The following SFXN5 variants were observed in gnomAD, a reference collection of about 807,000 sequenced individuals.
The protein encoded by SFXN5 is sideroflexin 5.
In SFXN5, 43 loss-of-function variants were observed where a neutral mutation model predicts 50.2. The observed-to-expected ratio is 0.86, with a 90% CI of 0.67 to 1.11. The LOEUF (loss-of-function observed/expected upper bound fraction) is 1.11. SFXN5 is among the 50% of genes least tolerant of loss of function. SFXN5 has a pLI of 0.00. For synonymous variants in SFXN5, 203 were observed against 185.8 expected, an observed-to-expected ratio of 1.09 and a Z score of -0.75; for missense variants, 463 against 454.1, an observed-to-expected ratio of 1.02 and a Z score of -0.18.
At chr2:73,060,158 T>G (rs922926861) in intron 1 of SFXN5, among the ~76,000 whole-genome samples, 1 of 151,998 alleles carries the variant, frequency 6.6e-6, no homozygotes, top group African/African-American at 2.4e-5. Context: ...CAGGGTTCCT[T>G]AGGAAAGGAG....
At chr2:72,994,368 T>A (rs1574061219) in intron 9 of SFXN5, among the ~76,000 whole-genome samples, 1 of 152,052 alleles carries the variant, frequency 6.6e-6, no homozygotes, top group Admixed American at 6.5e-5. Context: ...AGCACAGGGA[T>A]CCCCTGGAAC....
At position 73,071,469 on chromosome 2, in the gene SFXN5, T is replaced by C. The variant is rs376485683; in HGVS notation, c.102+135A>G. 2.9e-3 allele frequency: 2,108 copies of C among 736,832 alleles called. 67 individuals carry two copies. In the South Asian group the frequency reaches 0.036, roughly 13 times the overall value. 45.6% of individuals were successfully genotyped at this position (736,832 alleles called of 1,614,324 possible). On this transcript the variant is annotated intron_variant, in intron 1 of 13. Coordinates refer to ENST00000272433, the MANE Select transcript of SFXN5 (RefSeq NM_144579.3). ...GGGAAAAGGGTGACTGTGACCGAGG[T>C]TCCCCCCCTGGCGCTAGCTGCAGGC...
chr2:73,037,381 T>C (rs1679122022), intron 3 of SFXN5, among the ~76,000 whole-genome samples: 1 of 152,038 alleles, frequency 6.6e-6, no homozygotes, highest in Non-Finnish European at 1.5e-5. Flanking sequence ...TTCTGGCCCA[T>C]AGAGATGGAT....
chr2:72,969,371 C>T (rs1674878110), intron 11 of SFXN5, among the ~76,000 whole-genome samples: 1 of 151,950 alleles, frequency 6.6e-6, no homozygotes, highest in East Asian at 1.9e-4. Flanking sequence ...CTGGAATTTA[C>T]TTTTTTTTGT....
chr2:72,963,846 T>C (rs1674051687), intron 12 of SFXN5, among the ~76,000 whole-genome samples: 1 of 151,972 alleles, frequency 6.6e-6, no homozygotes, highest in Non-Finnish European at 1.5e-5. Flanking sequence ...CTCCTCAGCA[T>C]GGTTGGTGCT....
In SFXN5 at chr2:73,039,517, A is replaced by G. The variant is rs184841513; in HGVS notation, c.249+1337T>C. On this transcript the variant is annotated intron_variant, in intron 3 of 13. Coordinates refer to ENST00000272433, the MANE Select transcript of SFXN5 (RefSeq NM_144579.3). ...AATATGTATAGGCCCCAAAACCATG[A>G]TAACTATTTCAAGAGTGAGTATGGA... Among the ~76,000 whole-genome samples the G allele has an allele frequency of 2.7e-3, 417 of 152,358 alleles. 8 individuals are homozygous for G. The highest frequency in any genetic ancestry group is 5.7e-4 in the Non-Finnish European group (39 of 68,034).
chr2:73,071,668 G>C lies in SFXN5; in HGVS notation c.38C>G (p.Ala13Gly). The C allele has an allele frequency of 6.2e-7, 1 of 1,603,372 alleles. No homozygotes were observed. The highest frequency in any genetic ancestry group is 8.5e-7 in the Non-Finnish European group (1 of 1,175,244). ...DTATTASAAA[A>G]SAASASSDAP... ...ATCGCTCGAGGCGCTAGCGGCACTA[G>C]CCGCCGCCGCCGATGCTGTAGTCGC... The change falls in exon 1 of 14, where the codon GCT becomes GGT. Residue 13 changes from alanine (A) to glycine (G), a missense_variant. Coordinates refer to ENST00000272433, the MANE Select transcript of SFXN5 (RefSeq NM_144579.3).
At chr2:73,021,726 C>T (rs1278626617) in intron 5 of SFXN5, among the ~76,000 whole-genome samples, 1 of 152,196 alleles carries the variant, frequency 6.6e-6, no homozygotes, top group Non-Finnish European at 1.5e-5. Context: ...AGCAGCAGTG[C>T]CCTCCCATTC....
rs1016290434 is a variant in SFXN5, at chr2:73,070,863, TG to T, written c.102+740del. 5.6e-4 allele frequency: 85 copies of T among 151,266 alleles called. No homozygotes were observed. In the South Asian group the frequency reaches 5.7e-3, roughly 10 times the overall value. The allele number at this position is 151,266 out of a possible 1,614,324, so 9.4% of individuals were successfully genotyped here. A position where few individuals can be genotyped will look rare whatever the true frequency, so the allele number is the denominator to read the frequency against. Reference sequence around the variant, plus strand: ...GCGGAGAACACAGCGAGGAAGAGGCTGGGGGGGGGTTCCCAGGCGGCAGCCC... The same window carrying T: ...GCGGAGAACACAGCGAGGAAGAGGCTGGGGGGGGTTCCCAGGCGGCAGCCC... On this transcript the variant is annotated intron_variant, in intron 1 of 13. Coordinates refer to ENST00000272433, the MANE Select transcript of SFXN5 (RefSeq NM_144579.3).
At chr2:73,009,510 T>C (rs1675215282) in intron 6 of SFXN5, among the ~76,000 whole-genome samples, 1 of 152,240 alleles carries the variant, frequency 6.6e-6, no homozygotes, top group Non-Finnish European at 1.5e-5. Context: ...GATACAGATA[T>C]CTGGGGCTAG....
chr2:73,007,246 AG>A (rs1674812914), intron 6 of SFXN5, among the ~76,000 whole-genome samples: 1 of 152,136 alleles, frequency 6.6e-6, no homozygotes, highest in African/African-American at 2.4e-5. Flanking sequence ...TACAGGAGAA[AG>A]GTTTTTTTAA....
chr2:73,026,802 C>G (rs1219150763), intron 3 of SFXN5, among the ~76,000 whole-genome samples: 1 of 152,086 alleles, frequency 6.6e-6, no homozygotes, highest in African/African-American at 2.4e-5. Context: ...GGTCTTGGCT[C>G]ACTGCAACCT....
chr2:73,051,931 C>T (rs769413307), intron 2 of SFXN5, among the ~76,000 whole-genome samples: 2 of 152,102 alleles, frequency 1.3e-5, no homozygotes, highest in Admixed American at 6.6e-5. Context: ...CTAACCATCT[C>T]GTAAAGGCCC....
chr2:72,995,906 G>A (rs759426960), intron 9 of SFXN5, among the ~76,000 whole-genome samples: 4 of 152,206 alleles, frequency 2.6e-5, no homozygotes, highest in South Asian at 2.1e-4. Context: ...GGAGTTAGAC[G>A]CTCACTGTGT....
Position 72,961,757 on chromosome 2 carries a change from T to C in SFXN5, c.828-509A>G, listed in dbSNP as rs188706359. ...GCCAGGAGGGGGTGATCCTCCTCTA[T>C]GTGTGAGAACAGAAGACACCCCACT... On this transcript the variant is annotated intron_variant, in intron 12 of 13. Transcript: ENST00000272433. This position sits in a 1 kb window ranked among gnomAD's most constrained non-coding sequence, Gnocchi z 4.4. 1.3e-5 allele frequency among the ~76,000 whole-genome samples: 2 copies of C among 152,272 alleles called. No homozygotes were observed. The highest frequency in any genetic ancestry group is 1.3e-4 in the Admixed American group (2 of 15,302).
chr2:73,047,275 T>TATATATATATATATACAC (rs1300799277), intron 2 of SFXN5, among the ~76,000 whole-genome samples: 4 of 51,764 alleles, frequency 7.7e-5, no homozygotes, highest in African/African-American at 3.2e-4. Flanking sequence ...TATATATATA[T>TATATATATATATATACAC]ACACACATAT....
intron 12 of SFXN5, among the ~76,000 whole-genome samples, chr2:72,966,596 A>G (rs555337203): frequency 6.6e-6 from 1 of 152,260 alleles, no homozygotes; most frequent in South Asian, 2.1e-4. Flanking sequence ...CTAGGGTGAG[A>G]GAGGGCTCAC....
chr2:72,954,095 C>T (rs759540479), intron 13 of SFXN5, among the ~76,000 whole-genome samples: 24 of 152,248 alleles, frequency 1.6e-4, no homozygotes, highest in Non-Finnish European at 2.9e-4. Flanking sequence ...CCTGTAAGAG[C>T]CACCCTCTGA....
At position 72,960,487 on chromosome 2, in the gene SFXN5, C is replaced by A. The variant is rs370170314; in HGVS notation, c.945+644G>T. On this transcript the variant is annotated intron_variant, in intron 13 of 13. Transcript: ENST00000272433. The surrounding 1 kb of genome is among the most constrained non-coding windows in gnomAD (Gnocchi z 6.1). ...AGCCGCCATCACCGCTTGCTGGATG[C>A]CCGCCACAGGCTCCTGATGGTTCCT... Among the ~76,000 whole-genome samples, 598 of 152,308 alleles carry A rather than the reference C, an allele frequency of 3.9e-3. 4 individuals carry two copies. Among genetic ancestry groups the A allele is most frequent in the African/African-American group, 0.014 (583 of 41,564 alleles).
Sources: allele counts gnomAD v4.1 joint callset (sites outside exome capture counted in the v4.1 genomes callset), GRCh38; gene constraint gnomAD v4.1.1; non-coding constraint Gnocchi (gnomAD v3.1); transcripts MANE v1.5; gene names NCBI Gene and HGNC (gene_info 2026-07-23, HGNC 2026-07-21).